NTRK1: variants seen among roughly 807,000 people sequenced by gnomAD.
The protein encoded by NTRK1 is high affinity nerve growth factor receptor.
A neutral mutation model predicts 86.8 loss-of-function variants in NTRK1; 62 were observed. The observed-to-expected ratio is 0.71, with a 90% CI of 0.58 to 0.88. The LOEUF (loss-of-function observed/expected upper bound fraction) is 0.88. Among genes scored for constraint, NTRK1 ranks in the 40% least tolerant of loss-of-function variants. NTRK1 has a pLI of 0.00. For synonymous variants in NTRK1, 469 were observed against 456.6 expected (o/e 1.03, Z -0.35); for missense variants, 967 against 1,078.4 (o/e 0.90, Z 1.45).
In NTRK1 at chr1:156,866,926, G is replaced by A. The variant is rs922936206; in HGVS notation, c.376G>A (p.Ala126Thr). The A allele has an allele frequency of 5.4e-5, 87 of 1,614,108 alleles. No individual in the cohort carries two copies. Among genetic ancestry groups the A allele is most frequent in the Admixed American group, 1.3e-4 (8 of 60,012 alleles). The change falls in exon 4 of 17, where the codon GCT becomes ACT. Residue 126 changes from alanine (A) to threonine (T), a missense_variant. By Grantham distance (58) the Ala-to-Thr change is moderately conservative (BLOSUM62 0). Coordinates refer to ENST00000524377, the MANE Select transcript of NTRK1 (RefSeq NM_002529.4). ...RLSRLNLSFN[A>T]LESLSWKTVQ... ...CGCCCGCAGGAATCTCTCCTTCAAC[G>A]CTCTGGAGTCTCTCTCCTGGAAAAC...
chr1:156,857,761 G>A (rs1655461696), upstream of NTRK1, among the ~76,000 whole-genome samples: 1 of 152,238 alleles, frequency 6.6e-6, no homozygotes, highest in Non-Finnish European at 1.5e-5. Context: ...CACAGAGTCT[G>A]GATTCCTGAG....
intron 1 of NTRK1, among the ~76,000 whole-genome samples, chr1:156,831,984 A>G (rs1221387270): frequency 6.6e-6 from 1 of 152,136 alleles, no homozygotes; most frequent in East Asian, 1.9e-4. Context: ...ATCCCTGACC[A>G]CCTGAGGGAA....
rs764095102 is a variant in NTRK1 at position 156,868,289 on chromosome 1, G to A, written c.574+40G>A. On this transcript the variant is annotated intron_variant, in intron 5 of 16. Transcript: ENST00000524377. ...AGGGAGGTGGTGTAAGGGGGCTGGG[G>A]AAGAGACCTACCTGCCTGAGGGAGA... 3.1e-6 allele frequency: 5 copies of A among 1,600,196 alleles called. No homozygotes were observed. The East Asian group carries it at 1.1e-4, about 36-fold the overall frequency.
chr1:156,870,983 C>A (rs546194279), intron 6 of NTRK1, among the ~76,000 whole-genome samples: 3 of 152,178 alleles, frequency 2.0e-5, no homozygotes, highest in African/African-American at 7.2e-5. Flanking sequence ...GAGGCGATGC[C>A]GCTGCTGTTG....
intron 3 of NTRK1, 111 bp from the exon 4 acceptor site, chr1:156,866,799 G>T (rs1011548527): frequency 1.7e-6 from 2 of 1,170,752 alleles, no homozygotes; most frequent in African/African-American, 1.5e-5. Flanking sequence ...CTAGGCCGGG[G>T]CGGGGGAGCC....
chr1:156,848,084 A>G (rs1655073451), intron 2 of NTRK1, among the ~76,000 whole-genome samples: 1 of 151,732 alleles, frequency 6.6e-6, no homozygotes, highest in Non-Finnish European at 1.5e-5. Flanking sequence ...GAGGCCCAGG[A>G]ATCTGTATTT....
chr1:156,874,590 A>C lies in NTRK1; in HGVS notation c.1215A>C (p.Gly405=), dbSNP rs375382480. Residue 405 remains glycine, a synonymous_variant, in exon 10 of 17, where the codon GGA becomes GGC. Transcript: ENST00000524377. ...CTACAGACACTAACAGCACATCTGG[A>C]GACCCGGTGGAGAAGAAGGACGAAA... ...FSPVDTNSTS[G]DPVEKKDETP... is the part of the protein sequence containing the mutation. 6.2e-7 allele frequency: 1 copy of C among 1,614,040 alleles called. No individual in the cohort carries two copies. The highest frequency in any genetic ancestry group is 1.3e-5 in the African/African-American group (1 of 74,928).
chr1:156,827,980 C>A (rs1654366740), intron 1 of NTRK1, among the ~76,000 whole-genome samples: 1 of 151,328 alleles, frequency 6.6e-6, no homozygotes, highest in East Asian at 2.0e-4. Flanking sequence ...TTAATATATC[C>A]TTTTTTTTAT....
chr1:156,843,482 G>C (rs777550620), intron 2 of NTRK1: 1 of 1,614,176 alleles, frequency 6.2e-7, no homozygotes, highest in South Asian at 1.1e-5. Flanking sequence ...TTCTGTTTCT[G>C]CAACGGGAGG....
chr1:156,873,946 G>A lies in NTRK1; in HGVS notation c.1164G>A (p.Glu388=), dbSNP rs2102906435. ...FMDNPFEFNP[E]DPIPVSFSPV... ...ACAACCCTTTCGAGTTCAACCCCGA[G>A]GACCCCATCCCTGGTGCGAGGGCCA... Residue 388 remains glutamate, a synonymous_variant, in exon 8 of 17, where the codon GAG becomes GAA. Transcript: ENST00000524377. 1 of 1,553,602 alleles carries A rather than the reference G, an allele frequency of 6.4e-7. No homozygotes were observed. The highest frequency in any genetic ancestry group is 1.2e-5 in the South Asian group (1 of 84,282).
chr1:156,861,963 G>C lies in NTRK1; in HGVS notation c.212+817G>C, dbSNP rs551984142. On this transcript the variant is annotated intron_variant, in intron 1 of 16. Coordinates refer to ENST00000524377, the MANE Select transcript of NTRK1 (RefSeq NM_002529.4). ...GAAACCTATGGGAGTATGCGGTAAT[G>C]ACTGGCCTGGAGGTACTCAGGCATC... 2.0e-5 allele frequency among the ~76,000 whole-genome samples: 3 copies of C among 152,352 alleles called. No homozygotes were observed. The South Asian group carries it at 6.2e-4, about 32-fold the overall frequency.
chr1:156,817,321 G>A (rs1055611987), intron 1 of NTRK1, among the ~76,000 whole-genome samples: 1 of 152,028 alleles, frequency 6.6e-6, no homozygotes, highest in African/African-American at 2.4e-5. Flanking sequence ...GGTGGCTCAT[G>A]CTTGTAATCC....
intron 2 of NTRK1, chr1:156,846,796 C>T: frequency 6.5e-7 from 1 of 1,545,220 alleles, no homozygotes. Flanking sequence ...TCATTCAACC[C>T]CACCCTCAAG....
intron 9 of NTRK1, 25 bp from the exon 10 acceptor site, chr1:156,874,545 AC>A (rs1350454907): frequency 7.4e-6 from 12 of 1,612,836 alleles, no homozygotes; most frequent in African/African-American, 1.3e-5. Context: ...GTCAAGGCTC[AC>A]CCCTCCTGCC....
intron 3 of NTRK1, among the ~76,000 whole-genome samples, chr1:156,866,284 C>T (rs191120568): frequency 6.6e-6 from 1 of 152,242 alleles, no homozygotes; most frequent in East Asian, 1.9e-4. Flanking sequence ...GCACAGGGCA[C>T]TGGGGCTCCT....
At chr1:156,873,602 A>T (rs1571695698) in intron 7 of NTRK1, 31 bp from the exon 8 acceptor site, 1 of 1,598,172 alleles carries the variant, frequency 6.3e-7, no homozygotes, top group Non-Finnish European at 8.5e-7. Context: ...CTGCGCCCTG[A>T]CCTCCTGCTG....
chr1:156,858,675 G>C, upstream of NTRK1: 6 of 1,496,234 alleles, frequency 4.0e-6, no homozygotes, highest in South Asian at 6.8e-5. Flanking sequence ...TGACTCTGGG[G>C]AGAACGGTGT....
At chr1:156,845,156 T>A in intron 2 of NTRK1, 1 of 1,611,778 alleles carries the variant, frequency 6.2e-7, no homozygotes, top group Non-Finnish European at 8.5e-7. Context: ...GGCATGGATG[T>A]CGATCCGGTA....
rs925380979 is a variant in NTRK1 at position 156,874,826 on chromosome 1, G to A, written c.1252-80G>A. 5.6e-6 allele frequency: 7 copies of A among 1,254,368 alleles called. No homozygotes were observed. The African/African-American group carries it at 1.0e-4, about 19-fold the overall frequency. The allele number at this position is 1,254,368 out of a possible 1,614,324, so 77.7% of individuals were successfully genotyped here. ...GACCTGGCTCCGGGCTCCCATGCAGGATGAAAAAATGGCTTACTACAGGAG... is the reference window on the plus strand; with the variant it reads ...GACCTGGCTCCGGGCTCCCATGCAGAATGAAAAAATGGCTTACTACAGGAG... On this transcript the variant is annotated intron_variant, in intron 10 of 16. Transcript: ENST00000524377.
Sources: gnomAD v4.1 joint callset for allele counts (sites outside exome capture counted in the v4.1 genomes callset) on GRCh38, gnomAD v4.1.1 for gene constraint, MANE v1.5 for transcripts, NCBI Gene and HGNC (gene_info 2026-07-23, HGNC 2026-07-21) for gene names.